PIK3R4: variants seen among roughly 807,000 people sequenced by gnomAD.
PIK3R4 encodes phosphoinositide-3-kinase regulatory subunit 4.
PIK3R4 carries 46 observed loss-of-function variants against 136.5 expected under a neutral mutation model. That is an observed-to-expected ratio of 0.34 (90% confidence interval 0.27 to 0.43). The LOEUF is 0.43. PIK3R4 is among the 20% of genes least tolerant of loss of function. PIK3R4 has a pLI of 1.00. For synonymous variants in PIK3R4, 557 were observed against 566.7 expected, an observed-to-expected ratio of 0.98 and a Z score of 0.24; for missense variants, 1,331 against 1,649.5, an observed-to-expected ratio of 0.81 and a Z score of 3.35.
intron 9 of PIK3R4, among the ~76,000 whole-genome samples, chr3:130,714,135 T>C (rs1479797908): frequency 6.6e-6 from 1 of 152,170 alleles, no homozygotes; most frequent in African/African-American, 2.4e-5. Flanking sequence ...AAAAATGTGA[T>C]TCAGAATCCA....
intron 13 of PIK3R4, among the ~76,000 whole-genome samples, chr3:130,702,313 T>G (rs2066578955): frequency 6.6e-6 from 1 of 152,096 alleles, no homozygotes; most frequent in Non-Finnish European, 1.5e-5. Context: ...TATTTTATAG[T>G]AAAATGTTGA....
chr3:130,733,031 G>C (rs2066767049), intron 4 of PIK3R4, among the ~76,000 whole-genome samples: 7 of 152,088 alleles, frequency 4.6e-5, no homozygotes. Flanking sequence ...AGGTAGGTGT[G>C]TATAACACAC....
chr3:130,699,970 G>C (rs573322847), intron 13 of PIK3R4, among the ~76,000 whole-genome samples: 3 of 152,106 alleles, frequency 2.0e-5, no homozygotes, highest in Non-Finnish European at 4.4e-5. Context: ...TTCCACCAGA[G>C]GGCACTATAT....
intron 16 of PIK3R4, among the ~76,000 whole-genome samples, chr3:130,682,319 A>AGAT (rs1231345593): frequency 6.6e-6 from 1 of 152,208 alleles, no homozygotes; most frequent in Non-Finnish European, 1.5e-5. Context: ...CTGGCTCTGA[A>AGAT]GATGAAAGAA....
At chr3:130,738,605 A>C (rs1184149880) in intron 2 of PIK3R4, among the ~76,000 whole-genome samples, 1 of 152,100 alleles carries the variant, frequency 6.6e-6, no homozygotes, top group African/African-American at 2.4e-5. Context: ...CTACACACTA[A>C]AAGAATTAGG....
chr3:130,682,300 G>A (rs898556810), intron 16 of PIK3R4, among the ~76,000 whole-genome samples: 2 of 152,132 alleles, frequency 1.3e-5, no homozygotes, highest in African/African-American at 4.8e-5. Flanking sequence ...GAAACAAGAT[G>A]CTATGTTGCT....
At chr3:130,715,249 G>A (rs927895111) in intron 9 of PIK3R4, among the ~76,000 whole-genome samples, 4 of 149,794 alleles carry the variant, frequency 2.7e-5, no homozygotes, top group African/African-American at 4.9e-5. Context: ...TCAGCCTCCC[G>A]AGTAGCTGGG....
intron 13 of PIK3R4, among the ~76,000 whole-genome samples, chr3:130,696,762 G>A (rs147225111): frequency 1.8e-3 from 271 of 152,172 alleles, no homozygotes; most frequent in African/African-American, 6.3e-3. Flanking sequence ...TGTTAAATCT[G>A]GTTGGTTTGT....
Position 130,744,857 on chromosome 3 carries a change from T to C in PIK3R4, c.362A>G (p.Asn121Ser), listed in dbSNP as rs2066843936. 1 of 1,614,116 alleles carries C rather than the reference T, an allele frequency of 6.2e-7. No homozygotes were observed. Among genetic ancestry groups the C allele is most frequent in the Admixed American group, 1.7e-5 (1 of 60,016 alleles). Residue 121 changes from asparagine to serine, a missense_variant, in exon 2 of 20, where the codon AAT becomes AGT. By Grantham distance (46) the Asn-to-Ser change is conservative (BLOSUM62 1). This residue lies in a region of PIK3R4 where 151 missense variants were observed against 242.5 expected (regional missense o/e 0.62). Coordinates refer to ENST00000356763, the MANE Select transcript of PIK3R4 (RefSeq NM_014602.3). ...YDRISTRPFLNNIEKRWIAFQ... is the reference protein window; with the variant it reads ...YDRISTRPFLSNIEKRWIAFQ... ...AGCAATCCAGCGCTTCTCAATGTTA[T>C]TCAAGAATGGACGGGTACTGATGCG...
intron 3 of PIK3R4, 52 bp downstream of exon 3, chr3:130,735,817 G>T (rs978463321): frequency 2.0e-6 from 3 of 1,503,108 alleles, no homozygotes; most frequent in African/African-American, 2.8e-5. Flanking sequence ...AAGCAAAAGT[G>T]GGAACTAGAT....
At position 130,728,698 on chromosome 3, in the gene PIK3R4, AAAAAG is replaced by A. The variant is rs1196792874; in HGVS notation, c.1586-19_1586-15del. On this transcript the variant is annotated splice_polypyrimidine_tract_variant and intron_variant, in intron 5 of 19. Transcript: ENST00000356763. The stretch of plus-strand genomic sequence containing the variant: ...AGGCTTGGAGCTCTAAAAAAAAAAA[AAAAAG>A]AAAGAAAGAAAGAAAGAAAAGAAAT... 3.6e-5 allele frequency: 54 copies of A among 1,480,080 alleles called. No individual in the cohort carries two copies. The highest frequency in any genetic ancestry group is 2.3e-4 in the African/African-American group (16 of 69,732). The allele number at this position is 1,480,080 out of a possible 1,614,324, so 91.7% of individuals were successfully genotyped here.
chr3:130,723,453 G>A lies in PIK3R4; in HGVS notation c.1942C>T (p.Leu648=). 5.6e-6 allele frequency: 9 copies of A among 1,607,186 alleles called. No individual in the cohort carries two copies. The highest frequency in any genetic ancestry group is 7.6e-6 in the Non-Finnish European group (9 of 1,176,804). The change falls in exon 7 of 20, where the codon CTA becomes TTA. Residue 648 remains leucine, a synonymous_variant. Transcript: ENST00000356763. ...ALTCMCQLGL[L]QKPHVYEFAS... ...AATTCGTAAACATGGGGTTTTTGTA[G>A]CAGTCCTAACTGGCACATACAAGTA... is the stretch of plus-strand genomic sequence containing the variant.
At chr3:130,689,345 G>T (rs1486680073) in intron 14 of PIK3R4, among the ~76,000 whole-genome samples, 1 of 151,808 alleles carries the variant, frequency 6.6e-6, no homozygotes, top group Non-Finnish European at 1.5e-5. Flanking sequence ...AGTGCACTAT[G>T]CCAAGTTATT....
At position 130,728,686 on chromosome 3, in the gene PIK3R4, T is replaced by TTA; in HGVS notation, c.1586-3_1586-2insTA. On this transcript the variant is annotated splice_polypyrimidine_tract_variant and splice_region_variant and intron_variant, in intron 5 of 19. Transcript: ENST00000356763. ...CCATTTCATGTAAGGCTTGGAGCTCTAAAAAAAAAAAAAAAAGAAAGAAAG... is the reference window on the plus strand; with the variant it reads ...CCATTTCATGTAAGGCTTGGAGCTCTTAAAAAAAAAAAAAAAAAGAAAGAAAG... 1 of 1,027,390 alleles carries TTA rather than the reference T, an allele frequency of 9.7e-7. No homozygotes were observed. 63.6% of individuals were successfully genotyped at this position (1,027,390 alleles called of 1,614,324 possible).
chr3:130,720,897 C>T (rs1380500759), intron 7 of PIK3R4, among the ~76,000 whole-genome samples: 1 of 152,060 alleles, frequency 6.6e-6, no homozygotes, highest in African/African-American at 2.4e-5. Context: ...ACTAGCCAGG[C>T]GTGGTGGCAC....
At position 130,734,108 on chromosome 3, in the gene PIK3R4, T is replaced by C. The variant is rs2066773670; in HGVS notation, c.890A>G (p.Glu297Gly). The change falls in exon 4 of 20, where the codon GAG becomes GGG. Residue 297 changes from glutamate (E) to glycine (G), a missense_variant. This residue lies in a region of PIK3R4 where 1,180 missense variants were observed against 1,407.0 expected (regional missense o/e 0.84). Coordinates refer to ENST00000356763, the MANE Select transcript of PIK3R4 (RefSeq NM_014602.3). ...TTCTGCCTCTAAACGTTTATCTGGC[T>C]CACGGTGAATCATCTGAGTTACCTA... ...RELVTQMIHR[E>G]PDKRLEAEDY... 2 of 1,612,528 alleles carry C rather than the reference T, an allele frequency of 1.2e-6. No homozygotes were observed. Among genetic ancestry groups the C allele is most frequent in the African/African-American group, 1.3e-5 (1 of 74,904 alleles).
At chr3:130,680,477 G>GA (rs1367801596) in intron 19 of PIK3R4, 136 bp downstream of exon 19, 3 of 502,192 alleles carry the variant, frequency 6.0e-6, no homozygotes, top group Admixed American at 3.7e-5. Flanking sequence ...TTTAAATACA[G>GA]AAAATTCAAG....
rs1250979650 is a variant in PIK3R4 at position 130,679,079 on chromosome 3, A to G, written c.*236T>C. The G allele has an allele frequency of 3.5e-6, 1 of 286,958 alleles. No individual in the cohort carries two copies. The highest frequency in any genetic ancestry group is 6.4e-6 in the Non-Finnish European group (1 of 155,496). The allele number at this position is 286,958 out of a possible 1,614,324, so 17.8% of individuals were successfully genotyped here. On this transcript the variant is annotated 3_prime_UTR_variant, in exon 20 of 20. Coordinates refer to ENST00000356763, the MANE Select transcript of PIK3R4 (RefSeq NM_014602.3). Reference sequence around the variant, plus strand: ...TTTACATTTCTCACCTCTATAACATATACAATAAAAATCCCAGACATTGTT... The same window carrying G: ...TTTACATTTCTCACCTCTATAACATGTACAATAAAAATCCCAGACATTGTT...
At chr3:130,731,651 C>T (rs1026424550) in intron 4 of PIK3R4, among the ~76,000 whole-genome samples, 1 of 152,128 alleles carries the variant, frequency 6.6e-6, no homozygotes, top group Admixed American at 6.5e-5. Flanking sequence ...ATGCTTATTT[C>T]CCCTTTTAAG....
Sources: allele counts gnomAD v4.1 joint callset (sites outside exome capture counted in the v4.1 genomes callset), GRCh38; gene constraint gnomAD v4.1.1; regional missense constraint gnomAD v4.1.1; transcripts MANE v1.5; gene names NCBI Gene and HGNC (gene_info 2026-07-23, HGNC 2026-07-21).